The following SPOCK1 variants were observed in gnomAD, a reference collection of about 807,000 sequenced individuals.
SPOCK1 encodes testican-1.
SPOCK1 carries 23 observed loss-of-function variants against 55.3 expected under a neutral mutation model. The observed-to-expected ratio is 0.42, with a 90% CI of 0.30 to 0.59. The LOEUF (loss-of-function observed/expected upper bound fraction) is 0.59, where lower values mean the gene tolerates loss of function less well. Among genes scored for constraint, SPOCK1 ranks in the 20% least tolerant of loss-of-function variants. The pLI is 0.22. For synonymous variants in SPOCK1, 226 were observed against 221.0 expected (o/e 1.02, Z -0.20); for missense variants, 499 against 552.5 (o/e 0.90, Z 0.97).
intron 2 of SPOCK1, among the ~76,000 whole-genome samples, chr5:137,275,875 C>T (rs189452676): frequency 5.4e-4 from 83 of 152,336 alleles, no homozygotes; most frequent in African/African-American, 2.0e-3. Flanking sequence ...CACTTGCACT[C>T]CTGGGTCTCT....
intron 6 of SPOCK1, among the ~76,000 whole-genome samples, chr5:137,009,387 A>G (rs1278828236): frequency 6.6e-6 from 1 of 152,222 alleles, no homozygotes; most frequent in Non-Finnish European, 1.5e-5. Flanking sequence ...AGCTACTCAT[A>G]TGAGATGCAA....
intron 6 of SPOCK1, among the ~76,000 whole-genome samples, chr5:137,065,626 A>T (rs755008008): frequency 1.6e-4 from 25 of 152,198 alleles, no homozygotes; most frequent in Admixed American, 3.3e-4. Flanking sequence ...AGGAAATAGA[A>T]TTTTAGTTGT....
At chr5:137,349,904 G>C (rs1750639155) in intron 2 of SPOCK1, among the ~76,000 whole-genome samples, 1 of 152,118 alleles carries the variant, frequency 6.6e-6, no homozygotes, top group African/African-American at 2.4e-5. Context: ...TCCAAATTCT[G>C]AGGTACTGGG....
intron 6 of SPOCK1, among the ~76,000 whole-genome samples, chr5:137,012,476 T>G (rs1751369675): frequency 6.6e-6 from 1 of 152,170 alleles, no homozygotes; most frequent in African/African-American, 2.4e-5. Context: ...TCATTAATTC[T>G]CACAACTCTT....
At chr5:137,498,128 A>C (rs1437765964) in intron 2 of SPOCK1, among the ~76,000 whole-genome samples, 5 of 152,118 alleles carry the variant, frequency 3.3e-5, no homozygotes, top group African/African-American at 1.2e-4. Context: ...CTACGAATAC[A>C]CACACCTGGG....
chr5:136,978,550 C>CT lies in SPOCK1; in HGVS notation c.*103_*104insA, dbSNP rs1354090655. ...ACCTTAGGTCGGGTATAGAGAGCAACAATGGAGAAGAGACCTTGGTGCCTT... is the reference window on the plus strand; with the variant it reads ...ACCTTAGGTCGGGTATAGAGAGCAACTAATGGAGAAGAGACCTTGGTGCCTT... On this transcript the variant is annotated 3_prime_UTR_variant, in exon 11 of 11. Transcript: ENST00000394945. The CT allele has an allele frequency of 1.5e-6, 2 of 1,297,764 alleles. No homozygotes were observed. Among genetic ancestry groups the CT allele is most frequent in the East Asian group, 4.8e-5 (2 of 41,718 alleles). 80.4% of individuals were successfully genotyped at this position (1,297,764 alleles called of 1,614,324 possible).
intron 3 of SPOCK1, among the ~76,000 whole-genome samples, chr5:137,230,318 T>C (rs1426324835): frequency 1.3e-5 from 2 of 152,160 alleles, no homozygotes; most frequent in South Asian, 2.1e-4. Context: ...ACTTGGGGAT[T>C]CTCCTTGGAA....
At chr5:137,351,501 G>A (rs996511083) in intron 2 of SPOCK1, among the ~76,000 whole-genome samples, 5 of 152,178 alleles carry the variant, frequency 3.3e-5, no homozygotes, top group Admixed American at 6.5e-5. Context: ...GGGAATGGAA[G>A]GTGAGACAGA....
At chr5:137,213,208 C>T (rs2127083056) in intron 3 of SPOCK1, among the ~76,000 whole-genome samples, 1 of 152,152 alleles carries the variant, frequency 6.6e-6, no homozygotes, top group East Asian at 1.9e-4. Context: ...CTTTACTGAG[C>T]ACTTGCTTTC....
At chr5:137,431,497 C>T (rs1444829972) in intron 2 of SPOCK1, among the ~76,000 whole-genome samples, 1 of 152,102 alleles carries the variant, frequency 6.6e-6, no homozygotes, top group Non-Finnish European at 1.5e-5. Context: ...GTTTGTTTGT[C>T]CCCACCAAAA....
intron 2 of SPOCK1, among the ~76,000 whole-genome samples, chr5:137,309,156 G>A (rs1186501816): frequency 2.0e-5 from 3 of 152,200 alleles, no homozygotes; most frequent in African/African-American, 7.2e-5. Context: ...TAGATCTTCA[G>A]TGTGAAGTGA....
At chr5:137,160,559 ATATAT>A (rs1561631617) in intron 3 of SPOCK1, among the ~76,000 whole-genome samples, 3 of 62,642 alleles carry the variant, frequency 4.8e-5, no homozygotes, top group East Asian at 8.6e-4. Context: ...AATATATATT[ATATAT>A]TATATATTAT....
At chr5:137,271,715 G>C (rs553711068) in intron 2 of SPOCK1, among the ~76,000 whole-genome samples, 4 of 152,162 alleles carry the variant, frequency 2.6e-5, no homozygotes, top group Non-Finnish European at 5.9e-5. Context: ...GAATGTCAAA[G>C]CTGACTCTGA....
At chr5:137,226,667 T>C (rs1401053777) in intron 3 of SPOCK1, among the ~76,000 whole-genome samples, 1 of 152,290 alleles carries the variant, frequency 6.6e-6, no homozygotes, top group African/African-American at 2.4e-5. Flanking sequence ...AGGGAACCCC[T>C]ACCCGTAGGC....
At chr5:137,284,112 A>T (rs567216983) in intron 2 of SPOCK1, among the ~76,000 whole-genome samples, 1 of 152,342 alleles carries the variant, frequency 6.6e-6, no homozygotes, top group African/African-American at 2.4e-5. Context: ...TAGCTGAGGA[A>T]ACTATGGCTC....
In SPOCK1 at chr5:137,155,521, C is replaced by G. The variant is rs528556078; in HGVS notation, c.233-14827G>C. Among the ~76,000 whole-genome samples the G allele has an allele frequency of 2.0e-5, 3 of 152,346 alleles. No homozygotes were observed. The South Asian group carries it at 6.2e-4, about 32-fold the overall frequency. Reference sequence around the variant, plus strand: ...AGTGAGGTCACGCTGGAAACTGATACATGGCACTCCATCAACAGCAGAAAG... The same window carrying G: ...AGTGAGGTCACGCTGGAAACTGATAGATGGCACTCCATCAACAGCAGAAAG... On this transcript the variant is annotated intron_variant, in intron 3 of 10. Coordinates refer to ENST00000394945, the MANE Select transcript of SPOCK1 (RefSeq NM_004598.4).
chr5:137,156,122 G>A (rs980211717), intron 3 of SPOCK1, among the ~76,000 whole-genome samples: 1 of 152,176 alleles, frequency 6.6e-6, no homozygotes, highest in Admixed American at 6.5e-5. Flanking sequence ...CCCCTGGGGT[G>A]CATTCCTGGC....
At chr5:137,222,884 G>T (rs999389198) in intron 3 of SPOCK1, among the ~76,000 whole-genome samples, 2 of 152,122 alleles carry the variant, frequency 1.3e-5, no homozygotes, top group Admixed American at 6.5e-5. Flanking sequence ...TACATATAAA[G>T]CACAGATAGA....
intron 9 of SPOCK1, among the ~76,000 whole-genome samples, chr5:136,983,830 AGCAAG>A (rs1339748229): frequency 6.6e-6 from 1 of 152,244 alleles, no homozygotes; most frequent in African/African-American, 2.4e-5. Context: ...AATGTGATAA[AGCAAG>A]CTTTAAAACA....
Sources: gnomAD v4.1 joint callset for allele counts (sites outside exome capture counted in the v4.1 genomes callset) on GRCh38, gnomAD v4.1.1 for gene constraint, MANE v1.5 for transcripts, NCBI Gene and HGNC (gene_info 2026-07-23, HGNC 2026-07-21) for gene names.